The following TXNDC8 variants were observed in gnomAD, a reference collection of about 807,000 sequenced individuals.
TXNDC8 encodes thioredoxin domain-containing protein 8.
TXNDC8 carries 15 observed loss-of-function variants against 12.9 expected under a neutral mutation model. That is an observed-to-expected ratio of 1.16 (90% CI 0.78 to 1.79). TXNDC8 has a LOEUF of 1.79. TXNDC8 is among the 40% of genes most tolerant of loss of function. TXNDC8 has a pLI of 0.00. For missense variants in TXNDC8, 128 were observed against 113.2 expected (o/e 1.13, Z -0.59); for synonymous variants, 40 against 35.4 (o/e 1.13, Z -0.46).
chr9:110,314,438 CTTTTTTT>C (rs568341622), intron 3 of TXNDC8, among the ~76,000 whole-genome samples: 1 of 124,670 alleles, frequency 8.0e-6, no homozygotes, highest in African/African-American at 3.0e-5. Context: ...TTTCTTTTTT[CTTTTTTT>C]TTTTTGAGAT....
chr9:110,336,228 G>T (rs1839754242), intron 1 of TXNDC8, among the ~76,000 whole-genome samples: 1 of 152,154 alleles, frequency 6.6e-6, no homozygotes, highest in Non-Finnish European at 1.5e-5. Context: ...TATGCAAATA[G>T]ACTAATACAA....
intron 3 of TXNDC8, among the ~76,000 whole-genome samples, chr9:110,313,749 A>C (rs1232376015): frequency 6.6e-6 from 1 of 152,156 alleles, no homozygotes; most frequent in Non-Finnish European, 1.5e-5. Context: ...AATGTGGCCT[A>C]TACAGATTTT....
intron 3 of TXNDC8, among the ~76,000 whole-genome samples, chr9:110,313,237 TTTC>T (rs1311731558): frequency 1.3e-5 from 2 of 152,218 alleles, no homozygotes; most frequent in Non-Finnish European, 2.9e-5. Context: ...TTTCAATTTT[TTTC>T]TTATCTTTTC....
intron 1 of TXNDC8, among the ~76,000 whole-genome samples, chr9:110,336,018 C>G (rs1052389531): frequency 2.0e-5 from 3 of 152,166 alleles, no homozygotes; most frequent in African/African-American, 7.2e-5. Flanking sequence ...GACAGTGAGT[C>G]AGTCTAAAAA....
intron 3 of TXNDC8, among the ~76,000 whole-genome samples, chr9:110,321,951 C>A (rs999237462): frequency 2.6e-5 from 4 of 152,170 alleles, no homozygotes; most frequent in Admixed American, 1.3e-4. Flanking sequence ...GTCTGAGTCA[C>A]AAGAGGTAAA....
downstream of TXNDC8, among the ~76,000 whole-genome samples, chr9:110,302,121 C>T (rs958548002): frequency 5.3e-5 from 8 of 152,090 alleles, no homozygotes; most frequent in Non-Finnish European, 7.4e-5. Flanking sequence ...TCCCAAGCAG[C>T]TGGGACTACA....
chr9:110,324,123 A>G, intron 3 of TXNDC8: 2 of 1,285,262 alleles, frequency 1.6e-6, no homozygotes, highest in Non-Finnish European at 2.1e-6. Context: ...CAAGTTTTAA[A>G]GAGAGTAACT....
intron 1 of TXNDC8, 140 bp downstream of exon 1, chr9:110,337,629 TAAAG>T: frequency 1.3e-6 from 1 of 752,624 alleles, no homozygotes; most frequent in Non-Finnish European, 2.1e-6. Flanking sequence ...AGGAACAAGA[TAAAG>T]AACAAGAATT....
chr9:110,317,161 CT>C (rs1341569885), intron 3 of TXNDC8, among the ~76,000 whole-genome samples: 2 of 152,192 alleles, frequency 1.3e-5, no homozygotes, highest in Non-Finnish European at 2.9e-5. Flanking sequence ...AACAGGAAAA[CT>C]GATTTTGGAC....
chr9:110,331,955 C>T (rs770793865), intron 2 of TXNDC8, among the ~76,000 whole-genome samples: 1 of 152,110 alleles, frequency 6.6e-6, no homozygotes, highest in East Asian at 1.9e-4. Context: ...AGTCTTCCTC[C>T]AACCCCCTCA....
chr9:110,336,226 T>G (rs1839754087), intron 1 of TXNDC8, among the ~76,000 whole-genome samples: 1 of 152,194 alleles, frequency 6.6e-6, no homozygotes, highest in Non-Finnish European at 1.5e-5. Flanking sequence ...AGTATGCAAA[T>G]AGACTAATAC....
intron 3 of TXNDC8, among the ~76,000 whole-genome samples, chr9:110,322,208 C>A (rs17204375): frequency 0.2 from 30,931 of 151,158 alleles, 3,463 homozygotes; most frequent in East Asian, 0.46. Flanking sequence ...AAATTCATAA[C>A]CAGGATGCTA....
chr9:110,325,799 G>A (rs181729227), intron 3 of TXNDC8, among the ~76,000 whole-genome samples: 107 of 152,246 alleles, frequency 7.0e-4, no homozygotes, highest in Middle Eastern at 3.4e-3. Context: ...GATTACAGGC[G>A]TGAGCCACCG....
At chr9:110,323,808 G>A (rs1839202110) in intron 3 of TXNDC8, 1 of 1,516,602 alleles carries the variant, frequency 6.6e-7, no homozygotes. Flanking sequence ...ATGGTGACAA[G>A]CTGTAGTAGC....
chr9:110,313,207 T>A (rs890244185), intron 3 of TXNDC8, among the ~76,000 whole-genome samples: 2 of 152,010 alleles, frequency 1.3e-5, no homozygotes, highest in African/African-American at 4.8e-5. Context: ...TGCCTGCCCC[T>A]ACGAGTCTTC....
At position 110,319,209 on chromosome 9, in the gene TXNDC8, GT is replaced by G. The variant is rs201964196; in HGVS notation, c.195+6965del. On this transcript the variant is annotated intron_variant, in intron 3 of 4. Transcript: ENST00000423740. ...TTTTTTCCTCATGCAGAACATCTCT[GT>G]GTGTAACACAATCCTTGACAGGTTA... Among the ~76,000 whole-genome samples, 124 of 152,324 alleles carry G rather than the reference GT, an allele frequency of 8.1e-4. 2 individuals carry two copies. In the East Asian group the frequency reaches 0.023, roughly 28 times the overall value.
At chr9:110,327,888 A>G (rs1196460454) in intron 2 of TXNDC8, among the ~76,000 whole-genome samples, 1 of 152,030 alleles carries the variant, frequency 6.6e-6, no homozygotes, top group African/African-American at 2.4e-5. Flanking sequence ...TGATTGCACA[A>G]CTCTGTGAAT....
At chr9:110,325,943 A>G (rs1011748367) in intron 3 of TXNDC8, among the ~76,000 whole-genome samples, 10 of 152,210 alleles carry the variant, frequency 6.6e-5, no homozygotes, top group Admixed American at 2.0e-4. Flanking sequence ...GATACCTCAG[A>G]TGGTCTGAAT....
intron 3 of TXNDC8, among the ~76,000 whole-genome samples, chr9:110,314,352 T>C (rs1306259229): frequency 6.6e-6 from 1 of 152,236 alleles, no homozygotes; most frequent in East Asian, 1.9e-4. Flanking sequence ...TCAGGGACTC[T>C]TGAGGCTGTG....
Sources: gnomAD v4.1 joint callset for allele counts (sites outside exome capture counted in the v4.1 genomes callset) on GRCh38, gnomAD v4.1.1 for gene constraint, MANE v1.5 for transcripts, NCBI Gene and HGNC (gene_info 2026-07-23, HGNC 2026-07-21) for gene names.